The following LRBA variants were observed in gnomAD, a reference collection of about 807,000 sequenced individuals.
LRBA encodes the protein lipopolysaccharide-responsive and beige-like anchor protein.
A neutral mutation model predicts 330.0 loss-of-function variants in LRBA; 176 were observed. That is an observed-to-expected ratio of 0.53 (90% CI 0.47 to 0.60). The LOEUF is 0.60. LRBA is among the 20% of genes least tolerant of loss of function. The pLI is 0.00. For synonymous variants in LRBA, 1,230 were observed against 1,193.0 expected, an observed-to-expected ratio of 1.03 and a Z score of -0.64; for missense variants, 3,259 against 3,444.8, an observed-to-expected ratio of 0.95 and a Z score of 1.35.
At chr4:150,366,815 T>C (rs1440820677) in intron 47 of LRBA, among the ~76,000 whole-genome samples, 1 of 152,200 alleles carries the variant, frequency 6.6e-6, no homozygotes, top group Non-Finnish European at 1.5e-5. Flanking sequence ...ATTTAGCTGA[T>C]GGTCCTCCAG....
At chr4:150,659,108 G>A (rs1780673360) in intron 37 of LRBA, among the ~76,000 whole-genome samples, 1 of 137,132 alleles carries the variant, frequency 7.3e-6, no homozygotes. Flanking sequence ...CTCCCAAAGT[G>A]CCGAGATTGC....
At chr4:150,435,089 A>G (rs1039438727) in intron 46 of LRBA, among the ~76,000 whole-genome samples, 1 of 152,044 alleles carries the variant, frequency 6.6e-6, no homozygotes, top group African/African-American at 2.4e-5. Flanking sequence ...TCACACCTGT[A>G]ATATCAACAC....
chr4:150,541,243 C>G (rs957727195), intron 40 of LRBA, among the ~76,000 whole-genome samples: 1 of 152,198 alleles, frequency 6.6e-6, no homozygotes, highest in Non-Finnish European at 1.5e-5. Context: ...AAGAGCATGA[C>G]TGAGCTGAGT....
At chr4:150,309,492 T>C (rs192102577) in intron 52 of LRBA, among the ~76,000 whole-genome samples, 1 of 152,318 alleles carries the variant, frequency 6.6e-6, no homozygotes, top group Admixed American at 6.5e-5. Flanking sequence ...TCAAACTATA[T>C]ATTTACTATA....
chr4:150,555,260 C>T (rs1420682030), intron 40 of LRBA, among the ~76,000 whole-genome samples: 1 of 152,102 alleles, frequency 6.6e-6, no homozygotes, highest in Non-Finnish European at 1.5e-5. Context: ...TACTACAATG[C>T]TACTACCTAT....
intron 40 of LRBA, among the ~76,000 whole-genome samples, chr4:150,497,081 A>C (rs979193415): frequency 1.3e-5 from 2 of 152,154 alleles, no homozygotes; most frequent in African/African-American, 4.8e-5. Context: ...ATATATGTGC[A>C]AATGTTTTAT....
At chr4:150,413,256 T>A (rs1352735589) in intron 47 of LRBA, among the ~76,000 whole-genome samples, 3 of 151,986 alleles carry the variant, frequency 2.0e-5, no homozygotes, top group Non-Finnish European at 4.4e-5. Flanking sequence ...ATTGTAGGAA[T>A]ACAAAATGGT....
chr4:150,914,290 C>G lies in LRBA; in HGVS notation c.1066G>C (p.Val356Leu). 6.2e-7 allele frequency: 1 copy of G among 1,604,588 alleles called. No homozygotes were observed. Among genetic ancestry groups the G allele is most frequent in the East Asian group, 2.2e-5 (1 of 44,760 alleles). The change falls in exon 9 of 57, where the codon GTA (valine) becomes CTA (leucine). Residue 356 changes from valine to leucine, a missense_variant. By Grantham distance (32) the Val-to-Leu change is conservative. Coordinates refer to ENST00000651943, the MANE Select transcript of LRBA (RefSeq NM_001364905.1). ...GSSETADANR[V>L]FCGQMTAVYL... ...ACTGCAGTCATCTGACCACAGAATA[C>G]TCTATTAGCATCTGCTGTTTCTGAT...
chr4:150,977,391 G>A (rs752809008), intron 2 of LRBA, among the ~76,000 whole-genome samples: 5 of 152,028 alleles, frequency 3.3e-5, no homozygotes, highest in Non-Finnish European at 7.4e-5. Context: ...ATACACACAC[G>A]CTGGGCCAGA....
intron 2 of LRBA, among the ~76,000 whole-genome samples, chr4:150,952,599 C>G (rs745836872): frequency 3.3e-5 from 5 of 152,092 alleles, no homozygotes; most frequent in Non-Finnish European, 7.4e-5. Context: ...CTGCCTGAGC[C>G]TCATCCTGAC....
intron 2 of LRBA, among the ~76,000 whole-genome samples, chr4:151,012,462 T>C (rs1323399717): frequency 6.6e-6 from 1 of 152,156 alleles, no homozygotes; most frequent in Non-Finnish European, 1.5e-5. Context: ...TGAAGGCATA[T>C]GACATTTTAA....
chr4:150,692,946 G>T (rs539028928), intron 36 of LRBA, among the ~76,000 whole-genome samples: 2 of 152,220 alleles, frequency 1.3e-5, no homozygotes, highest in South Asian at 4.1e-4. Flanking sequence ...AATGCACAAG[G>T]ATGTACGCCA....
chr4:150,716,230 C>T (rs755459166), intron 36 of LRBA, among the ~76,000 whole-genome samples: 4 of 152,176 alleles, frequency 2.6e-5, no homozygotes, highest in South Asian at 2.1e-4. Context: ...AGATGGATCA[C>T]GAGCTCAGGA....
At chr4:151,005,424 C>T (rs1488957498) in intron 2 of LRBA, among the ~76,000 whole-genome samples, 1 of 75,154 alleles carries the variant, frequency 1.3e-5, no homozygotes, top group Non-Finnish European at 2.3e-5. Context: ...GACAACAGTA[C>T]AAGACTCCAA....
At chr4:150,872,812 G>C (rs115390372) in intron 17 of LRBA, 57 bp from the exon 18 acceptor site, 3 of 804,520 alleles carry the variant, frequency 3.7e-6, no homozygotes, top group Non-Finnish European at 6.1e-6. Context: ...AAATGGAAAG[G>C]TTTAAAATAT....
intron 19 of LRBA, 21 bp from the exon 20 acceptor site, chr4:150,870,627 AT>A: frequency 8.9e-7 from 1 of 1,129,634 alleles, no homozygotes; most frequent in Non-Finnish European, 1.3e-6. Flanking sequence ...AAAACAATGG[AT>A]TACATTAGCA....
At chr4:150,840,090 A>G (rs1224750063) in intron 28 of LRBA, among the ~76,000 whole-genome samples, 3 of 152,148 alleles carry the variant, frequency 2.0e-5, no homozygotes, top group Non-Finnish European at 4.4e-5. Flanking sequence ...CTCGGCCTTT[A>G]CAGAATTGAA....
chr4:150,831,233 C>G (rs1747144581), intron 29 of LRBA, among the ~76,000 whole-genome samples: 1 of 148,634 alleles, frequency 6.7e-6, no homozygotes, highest in Non-Finnish European at 1.5e-5. Flanking sequence ...TCACCACCTT[C>G]TAAAATACTA....
At chr4:150,687,076 C>A (rs369153155) in intron 36 of LRBA, among the ~76,000 whole-genome samples, 12 of 151,988 alleles carry the variant, frequency 7.9e-5, no homozygotes, top group African/African-American at 1.2e-4. Context: ...CTTTGTGGAA[C>A]CTTAGGGTCA....
Sources: allele counts gnomAD v4.1 joint callset (sites outside exome capture counted in the v4.1 genomes callset), GRCh38; gene constraint gnomAD v4.1.1; transcripts MANE v1.5; gene names NCBI Gene and HGNC (gene_info 2026-07-23, HGNC 2026-07-21).